NFASC: variants seen among roughly 807,000 people sequenced by gnomAD.
The protein encoded by NFASC is neurofascin homolog.
Under a neutral mutation model 147.5 loss-of-function variants are expected in NFASC, and 43 were observed. That is an observed-to-expected ratio of 0.29 (90% CI 0.23 to 0.38). The LOEUF (loss-of-function observed/expected upper bound fraction) is 0.38, where lower values mean the gene tolerates loss of function less well. NFASC is among the 10% of genes least tolerant of loss of function. The pLI is 1.00. For missense variants in NFASC, 1,320 were observed against 1,689.0 expected, an observed-to-expected ratio of 0.78 and a Z score of 3.83; for synonymous variants, 622 against 665.5, an observed-to-expected ratio of 0.93 and a Z score of 1.01.
rs1489082801 is a variant in NFASC, at chr1:205,021,318, A to C, written c.*4779A>C. ...AGAGAAGGATCAGAGAGAAAGGAGA[A>C]CCATCCAGGAGAGCCACAAGCGTCC... On this transcript the variant is annotated 3_prime_UTR_variant, in exon 30 of 30. Transcript: ENST00000339876. The C allele has an allele frequency of 1.3e-5, 2 of 152,644 alleles. No individual in the cohort carries two copies. The highest frequency in any genetic ancestry group is 2.9e-5 in the Non-Finnish European group (2 of 68,046). 9.5% of individuals were successfully genotyped at this position (152,644 alleles called of 1,614,324 possible).
chr1:204,876,994 A>ATGTGTGTG (rs377007452), intron 1 of NFASC, among the ~76,000 whole-genome samples: 2 of 73,976 alleles, frequency 2.7e-5, no homozygotes, highest in East Asian at 4.0e-4. Context: ...TTGGCTAAAT[A>ATGTGTGTG]TGTATATATA....
At chr1:204,995,128 T>C (rs1558410115) in intron 24 of NFASC, among the ~76,000 whole-genome samples, 1 of 151,792 alleles carries the variant, frequency 6.6e-6, no homozygotes, top group Non-Finnish European at 1.5e-5. Context: ...TCAATTAAAA[T>C]AAAAAAAATC....
chr1:204,940,054 A>C (rs920300808), intron 2 of NFASC, among the ~76,000 whole-genome samples: 1 of 152,242 alleles, frequency 6.6e-6, no homozygotes, highest in Non-Finnish European at 1.5e-5. Context: ...GCTCACATCA[A>C]ATAATCTGTC....
chr1:204,877,882 T>TTTC (rs976092393), intron 1 of NFASC, among the ~76,000 whole-genome samples: 4 of 152,316 alleles, frequency 2.6e-5, no homozygotes, highest in Admixed American at 2.0e-4. Context: ...GTGGAATGCA[T>TTTC]TTCTGCTCCT....
chr1:204,991,673 T>G (rs1228192675), intron 24 of NFASC, among the ~76,000 whole-genome samples: 1 of 152,222 alleles, frequency 6.6e-6, no homozygotes, highest in Non-Finnish European at 1.5e-5. Context: ...CTCAGAGCAG[T>G]GTCCCCAGCT....
intron 15 of NFASC, 134 bp from the exon 16 acceptor site, chr1:204,976,537 G>A (rs6668275): frequency 0.073 from 48,587 of 663,056 alleles, 2,677 homozygotes; most frequent in African/African-American, 0.23. Flanking sequence ...AAAGCATTGA[G>A]AGGGAGCCTC....
intron 27 of NFASC, among the ~76,000 whole-genome samples, chr1:205,008,245 C>T (rs1258022029): frequency 6.6e-6 from 1 of 152,182 alleles, no homozygotes; most frequent in African/African-American, 2.4e-5. Flanking sequence ...CAGTTTCTGC[C>T]CCCAAGAGGA....
chr1:204,911,080 G>T (rs540806614), intron 1 of NFASC, among the ~76,000 whole-genome samples: 1 of 152,104 alleles, frequency 6.6e-6, no homozygotes, highest in Admixed American at 6.5e-5. Context: ...TTTTCTAAAC[G>T]TTTTTTAAAA....
At chr1:204,892,682 T>C (rs2082638356) in intron 1 of NFASC, among the ~76,000 whole-genome samples, 1 of 152,274 alleles carries the variant, frequency 6.6e-6, no homozygotes, top group Admixed American at 6.5e-5. Context: ...CGATAGTTCT[T>C]ATGTATTGAT....
chr1:204,976,695 G>A lies in NFASC; in HGVS notation c.1731G>A (p.Leu577=), dbSNP rs1165559513. 2 of 1,613,916 alleles carry A rather than the reference G, an allele frequency of 1.2e-6. No homozygotes were observed. Among genetic ancestry groups the A allele is most frequent in the Non-Finnish European group, 1.7e-6 (2 of 1,179,884 alleles). Residue 577 remains leucine (L), a synonymous_variant, in exon 16 of 30, where the codon CTG becomes CTA. Coordinates refer to ENST00000339876, the MANE Select transcript of NFASC (RefSeq NM_001005388.3). ...GNRMKKEDDS[L]TIFGVAERDQ... ...GGATGAAGAAGGAAGACGACTCCCT[G>A]ACCATCTTTGGGGTGGCAGAGCGGG...
intron 5 of NFASC, among the ~76,000 whole-genome samples, chr1:204,953,768 T>C (rs369339102): frequency 2.0e-5 from 3 of 152,236 alleles, no homozygotes; most frequent in Non-Finnish European, 4.4e-5. Flanking sequence ...GGGTGGAATA[T>C]GAATTCAAGT....
chr1:204,997,788 G>A, intron 25 of NFASC: 1 of 343,950 alleles, frequency 2.9e-6, no homozygotes, highest in Non-Finnish European at 5.5e-6. Flanking sequence ...ACTCCAGAAG[G>A]AAGACAGCGT....
At position 204,856,382 on chromosome 1, in the gene NFASC, G is replaced by GGTGTGTGTGTGTGTGTGT. The variant is rs57653534; in HGVS notation, c.-200+27620_-200+27637dup. On this transcript the variant is annotated intron_variant, in intron 1 of 29. Coordinates refer to ENST00000339876, the MANE Select transcript of NFASC (RefSeq NM_001005388.3). ...AAGTGCCAAGGAGAGATGCAGAACA[G>GGTGTGTGTGTGTGTGTGT]GTGTGTGTGTGTGTGTGTGTGTGTG... 1.1e-3 allele frequency among the ~76,000 whole-genome samples: 160 copies of GGTGTGTGTGTGTGTGTGT among 139,770 alleles called. 2 individuals are homozygous for GGTGTGTGTGTGTGTGTGT. Among genetic ancestry groups the GGTGTGTGTGTGTGTGTGT allele is most frequent in the African/African-American group, 3.9e-3 (147 of 37,380 alleles). The allele number at this position is 139,770 out of a possible 152,430, so 91.7% of individuals were successfully genotyped here.
chr1:204,926,406 ATTTTTTT>A (rs1202294421), intron 2 of NFASC, among the ~76,000 whole-genome samples: 3 of 14,106 alleles, frequency 2.1e-4, no homozygotes, highest in African/African-American at 4.2e-4. Context: ...ATATATATAT[ATTTTTTT>A]TTTTTTTTTT....
intron 3 of NFASC, chr1:204,948,799 T>G: frequency 2.0e-6 from 1 of 497,524 alleles, no homozygotes; most frequent in Admixed American, 2.1e-5. Flanking sequence ...GGAGGTCCCT[T>G]GTCAGGCTTG....
intron 24 of NFASC, among the ~76,000 whole-genome samples, chr1:204,992,681 A>T (rs2095761435): frequency 6.6e-6 from 1 of 152,170 alleles, no homozygotes; most frequent in Non-Finnish European, 1.5e-5. Context: ...CGTGACGAAG[A>T]GGAAACGCAG....
intron 29 of NFASC, among the ~76,000 whole-genome samples, chr1:205,013,114 G>A (rs568235196): frequency 2.6e-5 from 4 of 152,220 alleles, no homozygotes; most frequent in South Asian, 4.1e-4. Flanking sequence ...CGACACATGC[G>A]TGCATTAGTT....
intron 1 of NFASC, chr1:204,870,928 G>C (rs531279412): frequency 1.6e-6 from 2 of 1,232,734 alleles, no homozygotes; most frequent in East Asian, 5.8e-5. Flanking sequence ...GAAGGATCTT[G>C]CTGGGATTTT....
intron 1 of NFASC, among the ~76,000 whole-genome samples, chr1:204,884,875 C>T (rs2080999304): frequency 6.6e-6 from 1 of 152,078 alleles, no homozygotes; most frequent in Non-Finnish European, 1.5e-5. Flanking sequence ...AGCCATAGAG[C>T]GCATGGTCTT....
Sources: allele counts gnomAD v4.1 joint callset (sites outside exome capture counted in the v4.1 genomes callset), GRCh38; gene constraint gnomAD v4.1.1; transcripts MANE v1.5; gene names NCBI Gene and HGNC (gene_info 2026-07-23, HGNC 2026-07-21).